B3GALT1: variants seen among roughly 807,000 people sequenced by gnomAD.
The protein encoded by B3GALT1 is UDP-Gal:betaGlcNAc beta 1,3-galactosyltransferase, polypeptide 1.
B3GALT1 carries 10 observed loss-of-function variants against 23.2 expected under a neutral mutation model. That is an observed-to-expected ratio of 0.43 (90% confidence interval 0.27 to 0.73). The LOEUF (loss-of-function observed/expected upper bound fraction) is 0.73. Among genes scored for constraint, B3GALT1 ranks in the 30% least tolerant of loss-of-function variants. B3GALT1 has a pLI of 0.21. For missense variants in B3GALT1, 299 were observed against 405.4 expected, an observed-to-expected ratio of 0.74 and a Z score of 2.25; for synonymous variants, 156 against 141.5, an observed-to-expected ratio of 1.10 and a Z score of -0.73.
intron 2 of B3GALT1, among the ~76,000 whole-genome samples, chr2:167,573,909 C>A (rs1684340211): frequency 6.6e-6 from 1 of 151,606 alleles, no homozygotes; most frequent in Non-Finnish European, 1.5e-5. Context: ...ATTCTATGTA[C>A]AAGTTTCTTT....
intron 2 of B3GALT1, among the ~76,000 whole-genome samples, chr2:167,621,491 C>CT (rs946335815): frequency 1.3e-5 from 2 of 152,018 alleles, no homozygotes; most frequent in African/African-American, 2.4e-5. Flanking sequence ...AATCATAAGA[C>CT]TTTTTTTCAC....
chr2:167,868,004 T>TA lies in B3GALT1; in HGVS notation c.-229-798dup, dbSNP rs202014355. 1.4e-4 allele frequency among the ~76,000 whole-genome samples: 21 copies of TA among 151,490 alleles called. No individual in the cohort carries two copies. In the East Asian group the frequency reaches 2.1e-3, roughly 15 times the overall value. On this transcript the variant is annotated intron_variant, in intron 4 of 4. Coordinates refer to ENST00000392690, the MANE Select transcript of B3GALT1 (RefSeq NM_020981.4). ...GGGTTTATAGGCAAATGTAACTAGG[T>TA]AAAAAAAAATTAAAAGGGCCAGTAT...
chr2:167,711,872 G>A (rs1269033623), intron 3 of B3GALT1, among the ~76,000 whole-genome samples: 1 of 152,172 alleles, frequency 6.6e-6, no homozygotes, highest in Non-Finnish European at 1.5e-5. Context: ...GGAGGCTGAG[G>A]TGGCAGGATT....
rs540184844 is a variant in B3GALT1, at chr2:167,735,964, C to G, written c.-351-82708C>G. On this transcript the variant is annotated intron_variant, in intron 3 of 4. Transcript: ENST00000392690. ...AATGTTTATCAAGCCAGACCCTATA[C>G]TAACTAGCATTTCATATAAATTATC... Among the ~76,000 whole-genome samples, 4 of 152,276 alleles carry G rather than the reference C, an allele frequency of 2.6e-5. No homozygotes were observed. In the East Asian group the frequency reaches 5.8e-4, roughly 22 times the overall value.
intron 1 of B3GALT1, among the ~76,000 whole-genome samples, chr2:167,319,695 GA>G (rs1160645585): frequency 6.6e-6 from 1 of 151,996 alleles, no homozygotes; most frequent in Non-Finnish European, 1.5e-5. Context: ...AAGAGGGGCA[GA>G]AAAAGATATA....
At chr2:167,521,949 A>G (rs1700193005) in intron 2 of B3GALT1, among the ~76,000 whole-genome samples, 1 of 135,198 alleles carries the variant, frequency 7.4e-6, no homozygotes, top group Non-Finnish European at 1.6e-5. Flanking sequence ...ATTAATGAAA[A>G]TAGACATTAC....
At chr2:167,522,029 T>C (rs1558891684) in intron 2 of B3GALT1, among the ~76,000 whole-genome samples, 1 of 146,960 alleles carries the variant, frequency 6.8e-6, no homozygotes, top group Non-Finnish European at 1.5e-5. Flanking sequence ...TAATTATATA[T>C]ATGTATATGA....
At chr2:167,524,516 A>C (rs1039237126) in intron 2 of B3GALT1, among the ~76,000 whole-genome samples, 1 of 152,178 alleles carries the variant, frequency 6.6e-6, no homozygotes, top group Non-Finnish European at 1.5e-5. Context: ...AAAAATGTCA[A>C]CTCAATTGAT....
intron 4 of B3GALT1, among the ~76,000 whole-genome samples, chr2:167,857,539 T>TC (rs1027200336): frequency 2.0e-5 from 3 of 151,952 alleles, no homozygotes; most frequent in African/African-American, 7.3e-5. Flanking sequence ...TAAAATGGTA[T>TC]CCAGTGAGAG....
intron 1 of B3GALT1, among the ~76,000 whole-genome samples, chr2:167,393,382 A>C (rs1324178035): frequency 6.6e-6 from 1 of 151,980 alleles, no homozygotes; most frequent in East Asian, 1.9e-4. Context: ...ACTCAAGAGC[A>C]GGGAGAGTGT....
intron 1 of B3GALT1, among the ~76,000 whole-genome samples, chr2:167,413,079 A>G (rs574126666): frequency 2.0e-5 from 3 of 152,096 alleles, no homozygotes; most frequent in African/African-American, 4.8e-5. Flanking sequence ...ATAATATTCT[A>G]TGTCTTGTTT....
At chr2:167,475,783 C>G (rs114370323) in intron 1 of B3GALT1, among the ~76,000 whole-genome samples, 1,764 of 152,118 alleles carry the variant, frequency 0.012, 38 homozygotes, top group African/African-American at 0.041. Context: ...GTTCTGGGGT[C>G]TGAAAGTTTG....
At chr2:167,368,700 C>T (rs926529876) in intron 1 of B3GALT1, among the ~76,000 whole-genome samples, 4 of 152,096 alleles carry the variant, frequency 2.6e-5, no homozygotes, top group Admixed American at 6.6e-5. Flanking sequence ...TTATTTAAAA[C>T]GTTATATGAT....
chr2:167,607,691 T>C (rs1684991193), intron 2 of B3GALT1, among the ~76,000 whole-genome samples: 2 of 152,220 alleles, frequency 1.3e-5, no homozygotes, highest in African/African-American at 4.8e-5. Flanking sequence ...CATAAGACCT[T>C]TTTTAATCTT....
At position 167,825,283 on chromosome 2, in the gene B3GALT1, C is replaced by CAAAAAAAAAAAAA. The variant is rs71963760; in HGVS notation, c.-230+6494_-230+6506dup. On this transcript the variant is annotated intron_variant, in intron 4 of 4. Coordinates refer to ENST00000392690, the MANE Select transcript of B3GALT1 (RefSeq NM_020981.4). ...TGGGCGACAGAGCAAGACTCCGTCT[C>CAAAAAAAAAAAAA]AAAAAAAAAAAAAAAACAGAAAAAA... Among the ~76,000 whole-genome samples the CAAAAAAAAAAAAA allele has an allele frequency of 1.5e-4, 12 of 82,194 alleles. 1 individual carries two copies. Among genetic ancestry groups the CAAAAAAAAAAAAA allele is most frequent in the African/African-American group, 5.1e-4 (10 of 19,798 alleles). 53.9% of individuals were successfully genotyped at this position (82,194 alleles called of 152,430 possible).
chr2:167,488,988 A>T (rs1699665077), intron 1 of B3GALT1, among the ~76,000 whole-genome samples: 1 of 148,882 alleles, frequency 6.7e-6, no homozygotes, highest in South Asian at 2.1e-4. Context: ...AAAAAAAAAT[A>T]CTTTGTGTCT....
intron 3 of B3GALT1, among the ~76,000 whole-genome samples, chr2:167,744,095 A>G (rs1274324464): frequency 2.0e-5 from 3 of 152,130 alleles, no homozygotes; most frequent in African/African-American, 7.2e-5. Flanking sequence ...TTAACTTCTA[A>G]TTTATTTGAA....
At position 167,855,172 on chromosome 2, in the gene B3GALT1, T is replaced by C. The variant is rs141641135; in HGVS notation, c.-229-13639T>C. ...GACGAACCCTTAAGCCAAGGTGAAATGCATAGCAGCTGGACTACATTTTCC... is the reference window on the plus strand; with the variant it reads ...GACGAACCCTTAAGCCAAGGTGAAACGCATAGCAGCTGGACTACATTTTCC... On this transcript the variant is annotated intron_variant, in intron 4 of 4. Transcript: ENST00000392690. 3.2e-3 allele frequency among the ~76,000 whole-genome samples: 488 copies of C among 152,230 alleles called. 3 individuals are homozygous for C. Among genetic ancestry groups the C allele is most frequent in the African/African-American group, 0.011 (463 of 41,550 alleles).
chr2:167,799,483 T>G (rs1688601434), intron 3 of B3GALT1, among the ~76,000 whole-genome samples: 1 of 152,188 alleles, frequency 6.6e-6, no homozygotes, highest in African/African-American at 2.4e-5. Flanking sequence ...CAAGCATTTC[T>G]CTCGTTGTTG....
Sources: allele counts gnomAD v4.1 joint callset (sites outside exome capture counted in the v4.1 genomes callset), GRCh38; gene constraint gnomAD v4.1.1; transcripts MANE v1.5; gene names NCBI Gene and HGNC (gene_info 2026-07-23, HGNC 2026-07-21).